Variants in EMC1 observed in about 807,000 individuals in gnomAD.
EMC1 encodes KIAA0090.
A neutral mutation model predicts 128.8 loss-of-function variants in EMC1; 103 were observed. The observed-to-expected ratio is 0.80, with a 90% confidence interval of 0.68 to 0.94. The LOEUF is 0.94. Among genes scored for constraint, EMC1 ranks in the 40% least tolerant of loss-of-function variants. The pLI is 0.00. For missense variants in EMC1, 1,083 were observed against 1,250.6 expected, an observed-to-expected ratio of 0.87 and a Z score of 2.02; for synonymous variants, 442 against 490.4, an observed-to-expected ratio of 0.90 and a Z score of 1.30.
chr1:19,248,380 C>A (rs2093641531), intron 1 of EMC1, among the ~76,000 whole-genome samples: 2 of 151,332 alleles, frequency 1.3e-5, no homozygotes, highest in South Asian at 2.1e-4. Flanking sequence ...GTATGCTTTG[C>A]AGAAATGGGG....
In EMC1 at chr1:19,251,484, A is replaced by G. The variant is rs771325779; in HGVS notation, c.26T>C (p.Phe9Ser). The change falls in exon 1 of 23, where the codon TTC becomes TCC. Residue 9 changes from phenylalanine to serine, a missense_variant. Coordinates refer to ENST00000477853, the MANE Select transcript of EMC1 (RefSeq NM_015047.3). ...AATCAGCAGCGTAGCCCAAAGCCAG[A>G]AACGAGAAGCCCACTCAGCCGCCAT... Reference protein sequence around the residue: MAAEWASRFWLWATLLIPA... With the variant: MAAEWASRSWLWATLLIPA... 6.2e-7 allele frequency: 1 copy of G among 1,614,034 alleles called. No homozygotes were observed. The highest frequency in any genetic ancestry group is 1.3e-5 in the African/African-American group (1 of 74,952).
At chr1:19,244,847 G>A in intron 2 of EMC1, 59 bp downstream of exon 2, 2 of 1,596,126 alleles carry the variant, frequency 1.3e-6, no homozygotes, top group African/African-American at 2.7e-5. Context: ...GGCAGAGTTG[G>A]CAATGGTAAG....
chr1:19,246,622 A>C (rs189238148), intron 1 of EMC1, among the ~76,000 whole-genome samples: 1 of 151,736 alleles, frequency 6.6e-6, no homozygotes, highest in Non-Finnish European at 1.5e-5. Flanking sequence ...ATCTCTTATA[A>C]AAGTACAAAA....
intron 16 of EMC1, 35 bp downstream of exon 16, chr1:19,231,226 G>A (rs370296403): frequency 4.8e-5 from 76 of 1,567,110 alleles, no homozygotes; most frequent in East Asian, 2.7e-4. Flanking sequence ...ACCGGACTCC[G>A]CTAGCATGTT....
Position 19,227,394 on chromosome 1 carries a change from G to A in EMC1, c.2121C>T (p.Ile707=), listed in dbSNP as rs370661581. 1.1e-5 allele frequency: 17 copies of A among 1,614,060 alleles called. No individual in the cohort carries two copies. The highest frequency in any genetic ancestry group is 3.3e-4 in the Middle Eastern group (2 of 6,084). The change falls in exon 18 of 23, where the codon ATC becomes ATT. Residue 707 remains isoleucine, a synonymous_variant. Coordinates refer to ENST00000477853, the MANE Select transcript of EMC1 (RefSeq NM_015047.3). The part of the protein sequence containing the change: ...ELTIPPEVQR[I]VKVKGKRSSE... The stretch of plus-strand genomic sequence containing the variant: ...TGCTGCGTTTCCCCTTCACCTTGAC[G>A]ATCCGCTGTACTTCTGGGGGAATGG...
At chr1:19,219,847 A>T in intron 21 of EMC1, 149 bp from the exon 22 acceptor site, 1 of 757,972 alleles carries the variant, frequency 1.3e-6, no homozygotes, top group South Asian at 1.9e-5. Flanking sequence ...TTAAAAATTT[A>T]GCAGCTGAAT....
intron 5 of EMC1, among the ~76,000 whole-genome samples, chr1:19,241,675 C>T (rs1054639511): frequency 4.6e-5 from 7 of 152,090 alleles, no homozygotes; most frequent in African/African-American, 1.7e-4. Context: ...ACCACCATGC[C>T]TGGCTAATTT....
chr1:19,250,868 G>A (rs1011075210), intron 1 of EMC1, among the ~76,000 whole-genome samples: 1 of 152,162 alleles, frequency 6.6e-6, no homozygotes, highest in African/African-American at 2.4e-5. Flanking sequence ...GGAAGACGTG[G>A]GTGGGTGAAT....
chr1:19,242,546 TACCC>T, intron 4 of EMC1, 73 bp from the exon 5 acceptor site: 1 of 1,540,316 alleles, frequency 6.5e-7, no homozygotes, highest in Non-Finnish European at 8.9e-7. Flanking sequence ...TCCAGAACAG[TACCC>T]ACTGTTGCTT....
chr1:19,238,302 G>C (rs1201243483), intron 10 of EMC1, among the ~76,000 whole-genome samples, 163 bp from the exon 11 acceptor site: 1 of 152,188 alleles, frequency 6.6e-6, no homozygotes, highest in Non-Finnish European at 1.5e-5. Flanking sequence ...TAAATCCTAA[G>C]GCAGAAATAA....
At chr1:19,250,008 G>A (rs1295649599) in intron 1 of EMC1, among the ~76,000 whole-genome samples, 6 of 151,752 alleles carry the variant, frequency 4.0e-5, no homozygotes, top group African/African-American at 9.7e-5. Context: ...ACCTGAGATC[G>A]GGAGTTTGAG....
intron 19 of EMC1, 30 bp from the exon 20 acceptor site, chr1:19,222,864 C>A: frequency 6.5e-7 from 1 of 1,533,438 alleles, no homozygotes; most frequent in Non-Finnish European, 8.9e-7. Flanking sequence ...CAGCTCAGGG[C>A]TTAGCAGCTG....
chr1:19,231,450 C>T (rs759551192), intron 15 of EMC1, 28 bp from the exon 16 acceptor site: 3 of 1,602,830 alleles, frequency 1.9e-6, no homozygotes, highest in East Asian at 2.2e-5. Context: ...TCAGGCTCCA[C>T]CAACAAGAAA....
intron 5 of EMC1, among the ~76,000 whole-genome samples, chr1:19,241,992 T>C (rs1401592990): frequency 6.6e-6 from 1 of 152,144 alleles, no homozygotes; most frequent in Admixed American, 6.5e-5. Flanking sequence ...TTGTTCTAAC[T>C]CTTAATATGA....
chr1:19,240,543 TC>T (rs2093599253), intron 6 of EMC1, 97 bp from the exon 7 acceptor site: 1 of 1,386,444 alleles, frequency 7.2e-7, no homozygotes, highest in East Asian at 2.3e-5. Flanking sequence ...CCACTGGGGG[TC>T]CTAAGCTCAA....
chr1:19,238,387 TGA>T (rs1362181815), intron 10 of EMC1, among the ~76,000 whole-genome samples: 5 of 152,158 alleles, frequency 3.3e-5, no homozygotes, highest in African/African-American at 1.2e-4. Flanking sequence ...CAGAGACTTC[TGA>T]GAGAGAGGTA....
intron 16 of EMC1, 140 bp downstream of exon 16, chr1:19,231,121 T>A (rs534194780): frequency 2.3e-5 from 30 of 1,301,724 alleles, no homozygotes; most frequent in Non-Finnish European, 3.1e-5. Flanking sequence ...GACACAGCCA[T>A]CATTTCTCTT....
intron 1 of EMC1, among the ~76,000 whole-genome samples, chr1:19,247,629 T>C (rs930081990): frequency 2.0e-5 from 3 of 152,224 alleles, no homozygotes; most frequent in African/African-American, 7.2e-5. Context: ...TGATAATAAA[T>C]GACTGTGTTA....
At position 19,218,124 on chromosome 1, in the gene EMC1, G is replaced by GTACC. The variant is rs2093406436; in HGVS notation, c.*1175_*1178dup. On this transcript the variant is annotated 3_prime_UTR_variant, in exon 23 of 23. Coordinates refer to ENST00000477853, the MANE Select transcript of EMC1 (RefSeq NM_015047.3). Reference sequence around the variant, plus strand: ...ACTTGCTTTATGCAAACATTCGAGTGTACCTCTTTCACCACAGGGCTAGAG... The same window carrying GTACC: ...ACTTGCTTTATGCAAACATTCGAGTGTACCTACCTCTTTCACCACAGGGCTAGAG... 6.6e-6 allele frequency: 1 copy of GTACC among 152,222 alleles called. No homozygotes were observed. The highest frequency in any genetic ancestry group is 2.4e-5 in the African/African-American group (1 of 41,450). The allele number at this position is 152,222 out of a possible 1,614,324, so 9.4% of individuals were successfully genotyped here. A position where few individuals can be genotyped will look rare whatever the true frequency, so the allele number is the denominator to read the frequency against.
Sources: allele counts gnomAD v4.1 joint callset (sites outside exome capture counted in the v4.1 genomes callset), GRCh38; gene constraint gnomAD v4.1.1; transcripts MANE v1.5; gene names NCBI Gene and HGNC (gene_info 2026-07-23, HGNC 2026-07-21).